Variants in AUTS2 observed in about 807,000 individuals in gnomAD.
AUTS2 encodes the protein activator of transcription and developmental regulator AUTS2, also known as autism susceptibility gene 2 protein.
A neutral mutation model predicts 112.4 loss-of-function variants in AUTS2; 17 were observed. The ratio of observed to expected loss-of-function variants is 0.15; its 90% CI spans 0.10 to 0.23. AUTS2 has a LOEUF of 0.23. AUTS2 is among the 10% of genes least tolerant of loss of function. AUTS2 has a pLI of 1.00. For missense variants in AUTS2, 1,510 were observed against 1,701.6 expected (o/e 0.89, Z 1.98); for synonymous variants, 751 against 702.7 (o/e 1.07, Z -1.09).
rs141589336 is a variant in AUTS2, at chr7:70,499,550, G to C, written c.690+63769G>C. Among the ~76,000 whole-genome samples the C allele has an allele frequency of 1.9e-3, 285 of 152,296 alleles. 1 individual carries two copies. Among genetic ancestry groups the C allele is most frequent in the African/African-American group, 6.5e-3 (269 of 41,578 alleles). ...AGGAGGAAGCTCTTCTTCCAATTAC[G>C]TACCACTCCCAAGATCCCAGCTACC... On this transcript the variant is annotated intron_variant, in intron 5 of 18. Coordinates refer to ENST00000342771, the MANE Select transcript of AUTS2 (RefSeq NM_015570.4).
intron 4 of AUTS2, among the ~76,000 whole-genome samples, chr7:70,243,021 C>T (rs1812706899): frequency 6.6e-6 from 1 of 152,138 alleles, no homozygotes; most frequent in African/African-American, 2.4e-5. Flanking sequence ...TACCCTTAGG[C>T]ATCCTTTATT....
chr7:70,642,738 A>G (rs1484906925), intron 5 of AUTS2, among the ~76,000 whole-genome samples: 2 of 151,932 alleles, frequency 1.3e-5, no homozygotes, highest in Non-Finnish European at 2.9e-5. Flanking sequence ...CATCCTCCTC[A>G]GTGACTTCTC....
chr7:70,593,360 A>C (rs1803040753), intron 5 of AUTS2, among the ~76,000 whole-genome samples: 1 of 152,208 alleles, frequency 6.6e-6, no homozygotes, highest in Admixed American at 6.5e-5. Flanking sequence ...ATGAGAACAT[A>C]ACATTTTAAA....
At chr7:70,265,990 G>A (rs1787403669) in intron 4 of AUTS2, among the ~76,000 whole-genome samples, 1 of 152,166 alleles carries the variant, frequency 6.6e-6, no homozygotes, top group African/African-American at 2.4e-5. Context: ...GTGTTGGGTT[G>A]TGCAGTGTAC....
chr7:70,531,846 C>CA lies in AUTS2; in HGVS notation c.690+96069dup, dbSNP rs548643810. ...GCTTTTGTTATATAACAAACCCCCC[C>CA]AAAACTTAGCGACTTTAAACAACTA... On this transcript the variant is annotated intron_variant, in intron 5 of 18. Transcript: ENST00000342771. 6.6e-5 allele frequency among the ~76,000 whole-genome samples: 10 copies of CA among 152,248 alleles called. No homozygotes were observed. The South Asian group carries it at 2.1e-3, about 32-fold the overall frequency.
intron 5 of AUTS2, among the ~76,000 whole-genome samples, chr7:70,575,392 G>C (rs1802119279): frequency 6.6e-6 from 1 of 152,106 alleles, no homozygotes. Flanking sequence ...GCCAAGCCCA[G>C]GCCTCTCCAC....
chr7:70,173,743 A>G (rs137880138), intron 4 of AUTS2, among the ~76,000 whole-genome samples: 1 of 152,234 alleles, frequency 6.6e-6, no homozygotes, highest in African/African-American at 2.4e-5. Flanking sequence ...CTTTTTTATT[A>G]TAATTATAAC....
chr7:69,954,615 A>G (rs1034010923), intron 2 of AUTS2, among the ~76,000 whole-genome samples: 4 of 152,238 alleles, frequency 2.6e-5, no homozygotes, highest in Admixed American at 2.0e-4. Flanking sequence ...TTTTGTAAAA[A>G]GTAATGTGCT....
At chr7:69,609,182 G>A (rs896878613) in intron 1 of AUTS2, among the ~76,000 whole-genome samples, 3 of 152,184 alleles carry the variant, frequency 2.0e-5, no homozygotes, top group Non-Finnish European at 4.4e-5. Flanking sequence ...GAATCTAGGA[G>A]TCTGCTTCTT....
At chr7:70,407,321 C>T (rs1381254864) in intron 4 of AUTS2, among the ~76,000 whole-genome samples, 1 of 152,170 alleles carries the variant, frequency 6.6e-6, no homozygotes, top group Non-Finnish European at 1.5e-5. Context: ...AGTGATACCA[C>T]CTCAGCTTTT....
At chr7:70,176,751 T>C (rs1809007673) in intron 4 of AUTS2, among the ~76,000 whole-genome samples, 1 of 152,144 alleles carries the variant, frequency 6.6e-6, no homozygotes, top group Non-Finnish European at 1.5e-5. Context: ...CTTAGAATGG[T>C]CCCCAAATAT....
chr7:70,066,866 A>C (rs563932428), intron 2 of AUTS2, among the ~76,000 whole-genome samples: 16 of 152,276 alleles, frequency 1.1e-4, no homozygotes, highest in Admixed American at 9.2e-4. Context: ...AAGAATCTTA[A>C]AGTTACTCAT....
intron 2 of AUTS2, among the ~76,000 whole-genome samples, chr7:70,065,334 G>T (rs1462762603): frequency 6.6e-6 from 1 of 151,982 alleles, no homozygotes; most frequent in Non-Finnish European, 1.5e-5. Flanking sequence ...CAGAATTCAA[G>T]GAAAAAAACC....
chr7:70,450,245 G>A (rs1796476066), intron 5 of AUTS2, among the ~76,000 whole-genome samples: 1 of 152,164 alleles, frequency 6.6e-6, no homozygotes, highest in Non-Finnish European at 1.5e-5. Context: ...AGGGAAATAT[G>A]GCCTAATTGA....
intron 6 of AUTS2, among the ~76,000 whole-genome samples, chr7:70,719,218 G>A (rs1810536882): frequency 6.6e-6 from 1 of 152,100 alleles, no homozygotes; most frequent in Admixed American, 6.6e-5. Context: ...TGCTACATCA[G>A]CCCCCAAGGT....
At chr7:70,245,773 T>G (rs964104738) in intron 4 of AUTS2, among the ~76,000 whole-genome samples, 1 of 152,128 alleles carries the variant, frequency 6.6e-6, no homozygotes, top group Non-Finnish European at 1.5e-5. Flanking sequence ...TTGCTTGGGT[T>G]TAGGGTATGC....
intron 4 of AUTS2, among the ~76,000 whole-genome samples, chr7:70,413,652 CA>C (rs2130514638): frequency 6.6e-6 from 1 of 150,900 alleles, no homozygotes; most frequent in South Asian, 2.1e-4. Context: ...GTTACCTAAG[CA>C]CAATTTCTTT....
chr7:70,262,890 G>A (rs1787238425), intron 4 of AUTS2, among the ~76,000 whole-genome samples: 1 of 151,988 alleles, frequency 6.6e-6, no homozygotes, highest in Non-Finnish European at 1.5e-5. Context: ...GGACCCTTGG[G>A]GCCCACTGTG....
intron 5 of AUTS2, among the ~76,000 whole-genome samples, chr7:70,660,159 A>C (rs1326380160): frequency 1.3e-5 from 2 of 151,914 alleles, no homozygotes; most frequent in Non-Finnish European, 2.9e-5. Flanking sequence ...CCTGAGCAAG[A>C]GAGTGAGACT....
Sources: allele counts gnomAD v4.1 joint callset (sites outside exome capture counted in the v4.1 genomes callset), GRCh38; gene constraint gnomAD v4.1.1; transcripts MANE v1.5; gene names NCBI Gene and HGNC (gene_info 2026-07-23, HGNC 2026-07-21).